MLLT10: variants seen among roughly 807,000 people sequenced by gnomAD.
The protein encoded by MLLT10 is MLLT10 histone lysine methyltransferase DOT1L cofactor, also known as protein AF-10.
A neutral mutation model predicts 129.1 loss-of-function variants in MLLT10; 30 were observed. The observed-to-expected ratio is 0.23, with a 90% CI of 0.17 to 0.32. The LOEUF is 0.32. Ranked by LOEUF, MLLT10 falls within the 10% of genes least tolerant of loss-of-function variation. The pLI is 1.00. For synonymous variants in MLLT10, 490 were observed against 446.4 expected (o/e 1.10, Z -1.23); for missense variants, 1,119 against 1,268.3 (o/e 0.88, Z 1.79).
At chr10:21,673,097 TTAAG>T (rs1263418739) in intron 10 of MLLT10, among the ~76,000 whole-genome samples, 2 of 152,110 alleles carry the variant, frequency 1.3e-5, no homozygotes, top group Non-Finnish European at 2.9e-5. Context: ...TAATAATTAT[TTAAG>T]TAATAGCTTG....
chr10:21,693,841 ATGTT>A (rs1271782796), intron 13 of MLLT10, among the ~76,000 whole-genome samples: 1 of 151,890 alleles, frequency 6.6e-6, no homozygotes, highest in Non-Finnish European at 1.5e-5. Context: ...ATTTGTTTAG[ATGTT>A]TGTTTTTGTT....
In MLLT10 at chr10:21,729,532, T is replaced by C. The variant is rs140483512; in HGVS notation, c.2064-1368T>C. On this transcript the variant is annotated intron_variant, in intron 16 of 22. Coordinates refer to ENST00000307729, the MANE Select transcript of MLLT10 (RefSeq NM_001195626.3). ...GTTTACATATGGAATAAAAACCCCA[T>C]TTGTTTAACATCTTACGAAAATTTT... Among the ~76,000 whole-genome samples, 66 of 152,290 alleles carry C rather than the reference T, an allele frequency of 4.3e-4. No homozygotes were observed. The East Asian group carries it at 0.011, about 24-fold the overall frequency.
intron 3 of MLLT10, among the ~76,000 whole-genome samples, chr10:21,564,872 G>A (rs2039357852): frequency 6.7e-6 from 1 of 150,322 alleles, no homozygotes; most frequent in African/African-American, 2.4e-5. Context: ...GGAATGTTCT[G>A]TTGTTCTGTA....
intron 3 of MLLT10, among the ~76,000 whole-genome samples, chr10:21,545,895 G>A (rs956116728): frequency 1.3e-5 from 2 of 151,946 alleles, no homozygotes; most frequent in Non-Finnish European, 2.9e-5. Flanking sequence ...TCGAACACCT[G>A]GCTTTAAGAG....
rs1455948933 is a variant in MLLT10 at position 21,631,032 on chromosome 10, C to CGGGCGCG, written c.699+13827_699+13833dup. On this transcript the variant is annotated intron_variant, in intron 8 of 22. Transcript: ENST00000307729. ...AAGAGTTGCCTAAAGAAAAGTACGT[C>CGGGCGCG]GGGCGCGGTGGCTCAAGCCTGTAAT... Among the ~76,000 whole-genome samples the CGGGCGCG allele has an allele frequency of 1.5e-4, 23 of 152,176 alleles. No homozygotes were observed. In the East Asian group the frequency reaches 2.3e-3, roughly 15 times the overall value.
chr10:21,663,668 C>A (rs1458000786), intron 9 of MLLT10, among the ~76,000 whole-genome samples: 1 of 152,060 alleles, frequency 6.6e-6, no homozygotes, highest in African/African-American at 2.4e-5. Context: ...AGGTTCACAC[C>A]ATTTTCCTGC....
intron 14 of MLLT10, among the ~76,000 whole-genome samples, chr10:21,717,482 T>TTCCTCCTCCTCCTCCTCCTCCTCC (rs766780330): frequency 8.7e-6 from 1 of 115,374 alleles, no homozygotes; most frequent in African/African-American, 4.1e-5. Context: ...TATTCTTATA[T>TTCCTCCTCCTCCTCCTCCTCCTCC]TCCTCCTCCT....
intron 3 of MLLT10, among the ~76,000 whole-genome samples, chr10:21,583,303 A>G (rs555059754): frequency 3.9e-5 from 6 of 152,312 alleles, no homozygotes; most frequent in East Asian, 1.9e-4. Flanking sequence ...AATTTGGACA[A>G]TGAGTAAGAT....
chr10:21,584,114 C>T (rs1474960209), intron 3 of MLLT10, among the ~76,000 whole-genome samples: 10 of 151,710 alleles, frequency 6.6e-5, no homozygotes, highest in Admixed American at 1.3e-4. Flanking sequence ...GTGATCCACC[C>T]GCCTCAGCCT....
At chr10:21,731,639 TATTGA>T (rs1360555137) in intron 17 of MLLT10, among the ~76,000 whole-genome samples, 2 of 152,170 alleles carry the variant, frequency 1.3e-5, no homozygotes, top group Non-Finnish European at 2.9e-5. Flanking sequence ...GAATAATAAT[TATTGA>T]ATTAAATCTA....
intron 14 of MLLT10, among the ~76,000 whole-genome samples, chr10:21,716,235 G>A (rs1246748616): frequency 6.6e-6 from 1 of 152,218 alleles, no homozygotes; most frequent in Non-Finnish European, 1.5e-5. Context: ...AAACGACAAA[G>A]TTTATTCCTG....
intron 5 of MLLT10, among the ~76,000 whole-genome samples, chr10:21,608,906 G>C (rs781396653): frequency 5.3e-5 from 8 of 152,008 alleles, no homozygotes; most frequent in Non-Finnish European, 8.8e-5. Flanking sequence ...CCTTTTTCCT[G>C]TGTGTGTTCT....
At chr10:21,696,869 G>A (rs1281893906) in intron 13 of MLLT10, among the ~76,000 whole-genome samples, 1 of 151,984 alleles carries the variant, frequency 6.6e-6, no homozygotes, top group Non-Finnish European at 1.5e-5. Context: ...CCACACTGTA[G>A]CCAAAGTGAT....
At chr10:21,719,474 T>C (rs547348571) in intron 14 of MLLT10, among the ~76,000 whole-genome samples, 3 of 152,232 alleles carry the variant, frequency 2.0e-5, no homozygotes, top group Non-Finnish European at 4.4e-5. Context: ...CTTAGCCTGC[T>C]CTCTTATTAC....
intron 11 of MLLT10, among the ~76,000 whole-genome samples, chr10:21,676,172 G>T (rs1018173851): frequency 1.2e-4 from 19 of 152,010 alleles, no homozygotes; most frequent in Admixed American, 1.2e-3. Flanking sequence ...GCTCATGCTT[G>T]TAATCCCAGC....
Position 21,670,619 on chromosome 10 carries a change from T to C in MLLT10, c.966T>C (p.Ala322=), listed in dbSNP as rs1328199830. 1 of 1,614,040 alleles carries C rather than the reference T, an allele frequency of 6.2e-7. No individual in the cohort carries two copies. The highest frequency in any genetic ancestry group is 8.5e-7 in the Non-Finnish European group (1 of 1,180,028). The change falls in exon 10 of 23, where the codon GCT becomes GCC. Residue 322 remains alanine (A), a synonymous_variant. Coordinates refer to ENST00000307729, the MANE Select transcript of MLLT10 (RefSeq NM_001195626.3). The part of the protein sequence containing the change: ...GSEGKGKKSS[A]HSSGQRGRKP... ...AGGGCAAAGGGAAGAAATCTTCAGCTCACAGCTCAGGTCAAAGGGGAAGAA... is the reference window on the plus strand; with the variant it reads ...AGGGCAAAGGGAAGAAATCTTCAGCCCACAGCTCAGGTCAAAGGGGAAGAA...
intron 14 of MLLT10, among the ~76,000 whole-genome samples, chr10:21,715,573 T>C (rs929051860): frequency 6.6e-6 from 1 of 152,230 alleles, no homozygotes; most frequent in African/African-American, 2.4e-5. Flanking sequence ...ATGAACATTT[T>C]CAATGTGCAT....
intron 13 of MLLT10, among the ~76,000 whole-genome samples, chr10:21,690,635 C>G (rs1204391751): frequency 6.6e-6 from 1 of 151,864 alleles, no homozygotes; most frequent in Non-Finnish European, 1.5e-5. Context: ...TTCCTCTCCT[C>G]TTGTATTTTT....
intron 8 of MLLT10, among the ~76,000 whole-genome samples, chr10:21,650,111 C>G (rs1376701171): frequency 6.6e-6 from 1 of 152,086 alleles, no homozygotes; most frequent in African/African-American, 2.4e-5. Context: ...GTGGCACATG[C>G]CTGTAGTCCC....
Sources: allele counts gnomAD v4.1 joint callset (sites outside exome capture counted in the v4.1 genomes callset), GRCh38; gene constraint gnomAD v4.1.1; transcripts MANE v1.5; gene names NCBI Gene and HGNC (gene_info 2026-07-23, HGNC 2026-07-21).